Variants in FNBP1L observed in about 807,000 individuals in gnomAD.
The protein encoded by FNBP1L is formin-binding protein 1-like.
Under a neutral mutation model 91.2 loss-of-function variants are expected in FNBP1L, and 36 were observed. That is an observed-to-expected ratio of 0.39 (90% CI 0.30 to 0.52). FNBP1L has a LOEUF of 0.52. Ranked by LOEUF, FNBP1L falls within the 20% of genes least tolerant of loss-of-function variation. The pLI, the probability that FNBP1L is intolerant of heterozygous loss-of-function variation, is 0.66. For synonymous variants in FNBP1L, 242 were observed against 237.0 expected, an observed-to-expected ratio of 1.02 and a Z score of -0.19; for missense variants, 571 against 732.1, an observed-to-expected ratio of 0.78 and a Z score of 2.54.
chr1:93,472,353 G>C (rs369405858), intron 1 of FNBP1L, among the ~76,000 whole-genome samples: 3 of 152,240 alleles, frequency 2.0e-5, no homozygotes, highest in African/African-American at 7.2e-5. Context: ...GGTTCAGAGA[G>C]ATTAAGTATC....
At chr1:93,509,702 G>A (rs2101735160) in intron 2 of FNBP1L, among the ~76,000 whole-genome samples, 1 of 152,360 alleles carries the variant, frequency 6.6e-6, no homozygotes, top group East Asian at 1.9e-4. Flanking sequence ...TGAGGTACCG[G>A]GTTCATCTCA....
chr1:93,549,205 G>T, intron 14 of FNBP1L, 73 bp from the exon 15 acceptor site: 1 of 1,267,068 alleles, frequency 7.9e-7, no homozygotes, highest in South Asian at 1.7e-5. Flanking sequence ...ATCCTGAGGT[G>T]ATCAATTTAT....
At chr1:93,454,058 G>T (rs1037039232) in intron 1 of FNBP1L, among the ~76,000 whole-genome samples, 2 of 152,144 alleles carry the variant, frequency 1.3e-5, no homozygotes, top group African/African-American at 4.8e-5. Flanking sequence ...GCAGGTGGGG[G>T]TTCCTGACAG....
At chr1:93,465,515 C>G (rs1198881503) in intron 1 of FNBP1L, among the ~76,000 whole-genome samples, 1 of 152,108 alleles carries the variant, frequency 6.6e-6, no homozygotes, top group Non-Finnish European at 1.5e-5. Flanking sequence ...CATCCATGTC[C>G]CTGCAAAGGA....
chr1:93,516,183 G>T (rs1671102099), intron 2 of FNBP1L, among the ~76,000 whole-genome samples: 1 of 148,070 alleles, frequency 6.8e-6, no homozygotes. Context: ...GGAGTACTGT[G>T]TCAAGGGGGA....
At chr1:93,452,991 C>T (rs892882652) in intron 1 of FNBP1L, among the ~76,000 whole-genome samples, 2 of 152,134 alleles carry the variant, frequency 1.3e-5, no homozygotes, top group African/African-American at 4.8e-5. Flanking sequence ...ACTGTAAACT[C>T]CAAAATACTT....
At chr1:93,484,762 T>C (rs539881073) in intron 1 of FNBP1L, among the ~76,000 whole-genome samples, 22 of 152,356 alleles carry the variant, frequency 1.4e-4, no homozygotes, top group African/African-American at 5.3e-4. Context: ...ACTCTAGTTA[T>C]GGTGTTAACC....
intron 9 of FNBP1L, among the ~76,000 whole-genome samples, chr1:93,535,359 G>T (rs1671810160): frequency 6.6e-6 from 1 of 152,048 alleles, no homozygotes; most frequent in Admixed American, 6.6e-5. Context: ...TTCAGTCTTG[G>T]TTAATTGAAG....
intron 1 of FNBP1L, among the ~76,000 whole-genome samples, chr1:93,464,902 G>T (rs1482169068): frequency 6.6e-6 from 1 of 152,048 alleles, no homozygotes; most frequent in Non-Finnish European, 1.5e-5. Flanking sequence ...TATTACTTCT[G>T]TCAGGTACCT....
chr1:93,472,672 C>T (rs1203593033), intron 1 of FNBP1L, among the ~76,000 whole-genome samples: 4 of 151,622 alleles, frequency 2.6e-5, no homozygotes, highest in African/African-American at 2.4e-5. Context: ...ATTAGCCAGG[C>T]GTGTTGGCGG....
intron 7 of FNBP1L, 97 bp from the exon 8 acceptor site, chr1:93,532,825 G>C: frequency 1.1e-6 from 1 of 892,744 alleles, no homozygotes; most frequent in Non-Finnish European, 1.7e-6. Flanking sequence ...TATGAGGGTA[G>C]AAATATTTAA....
At chr1:93,541,017 TTC>T in intron 10 of FNBP1L, 23 bp from the exon 11 acceptor site, 1 of 1,535,422 alleles carries the variant, frequency 6.5e-7, no homozygotes, top group South Asian at 1.2e-5. Flanking sequence ...TACCATTTCT[TTC>T]TGTTTTCCAT....
rs145384271 is a variant in FNBP1L at position 93,553,133 on chromosome 1, G to A, written c.*717G>A. ...CATCTCTGCTGTAGCCTACAGCCCA[G>A]TTGAAAGAACTCTTTGAAACGTGAT... On this transcript the variant is annotated 3_prime_UTR_variant, in exon 17 of 17. Coordinates refer to ENST00000271234, the MANE Select transcript of FNBP1L (RefSeq NM_001164473.3). The A allele has an allele frequency of 6.6e-6, 1 of 152,632 alleles. No homozygotes were observed. The highest frequency in any genetic ancestry group is 1.5e-5 in the Non-Finnish European group (1 of 68,032). 9.5% of individuals were successfully genotyped at this position (152,632 alleles called of 1,614,324 possible). A position where few individuals can be genotyped will look rare whatever the true frequency, so the allele number is the denominator to read the frequency against.
intron 8 of FNBP1L, 147 bp from the exon 9 acceptor site, chr1:93,534,558 G>A (rs767899936): frequency 6.2e-5 from 32 of 516,372 alleles, no homozygotes; most frequent in Non-Finnish European, 9.5e-5. Flanking sequence ...ACACATTCAT[G>A]GGAATAAATT....
At chr1:93,498,656 A>G (rs1341902974) in intron 1 of FNBP1L, among the ~76,000 whole-genome samples, 1 of 152,208 alleles carries the variant, frequency 6.6e-6, no homozygotes, top group Non-Finnish European at 1.5e-5. Flanking sequence ...AGACAGCACC[A>G]AGTTATTAGT....
intron 2 of FNBP1L, among the ~76,000 whole-genome samples, chr1:93,520,778 A>G (rs1671293932): frequency 6.6e-6 from 1 of 152,082 alleles, no homozygotes; most frequent in Admixed American, 6.5e-5. Flanking sequence ...CAGGTTGGGC[A>G]TGGTGGCTCA....
intron 8 of FNBP1L, among the ~76,000 whole-genome samples, chr1:93,533,737 C>A (rs1671758367): frequency 6.6e-6 from 1 of 152,132 alleles, no homozygotes; most frequent in African/African-American, 2.4e-5. Flanking sequence ...AGGATCCTTT[C>A]TGTTACAGCT....
In FNBP1L at chr1:93,523,411, G is replaced by GT; in HGVS notation, c.264dup (p.Val89CysfsTer12). 1.2e-6 allele frequency: 2 copies of GT among 1,610,282 alleles called. No individual in the cohort carries two copies. The highest frequency in any genetic ancestry group is 1.7e-6 in the Non-Finnish European group (2 of 1,178,082). On this transcript the variant is annotated frameshift_variant, in exon 4 of 17. Coordinates refer to ENST00000271234, the MANE Select transcript of FNBP1L (RefSeq NM_001164473.3). LOFTEE classifies it high-confidence loss of function. ...AAATGACTATGCAGGACAGCGAGAA[G>GT]TTGTAGCAGAAGAAATGGCGCACAG...
chr1:93,475,409 C>A (rs1037631878), intron 1 of FNBP1L, among the ~76,000 whole-genome samples: 1 of 151,908 alleles, frequency 6.6e-6, no homozygotes, highest in African/African-American at 2.4e-5. Context: ...CAGGGTGGTG[C>A]GTGCCTGTGG....
Sources: gnomAD v4.1 joint callset for allele counts (sites outside exome capture counted in the v4.1 genomes callset) on GRCh38, gnomAD v4.1.1 for gene constraint, MANE v1.5 for transcripts, NCBI Gene and HGNC (gene_info 2026-07-23, HGNC 2026-07-21) for gene names.